The following ZFHX4 variants were observed in gnomAD, a reference collection of about 807,000 sequenced individuals.
ZFHX4 encodes zinc finger homeobox protein 4.
A neutral mutation model predicts 267.6 loss-of-function variants in ZFHX4; 56 were observed. The ratio of observed to expected loss-of-function variants is 0.21; its 90% CI spans 0.17 to 0.26. The LOEUF (loss-of-function observed/expected upper bound fraction) is 0.26, where lower values mean the gene tolerates loss of function less well. ZFHX4 is among the 10% of genes least tolerant of loss of function. The pLI is 1.00. For missense variants in ZFHX4, 4,332 were observed against 4,420.0 expected (o/e 0.98, Z 0.56); for synonymous variants, 1,778 against 1,665.6 (o/e 1.07, Z -1.64).
intron 3 of ZFHX4, among the ~76,000 whole-genome samples, chr8:76,761,783 G>A (rs1009131465): frequency 3.3e-5 from 5 of 152,146 alleles, no homozygotes; most frequent in Admixed American, 6.5e-5. Flanking sequence ...AGGTTTAGAA[G>A]CAAATGTCTC....
chr8:76,782,152 GC>G lies in ZFHX4; in HGVS notation c.3325+3715del, dbSNP rs557825126. On this transcript the variant is annotated intron_variant, in intron 4 of 10. Coordinates refer to ENST00000651372, the MANE Select transcript of ZFHX4 (RefSeq NM_024721.5). ...CTATTGTTTCTTCTAGCATCTTCTT[GC>G]CAAATCTTCTGGAGCGCTTGTAATT... is the stretch of plus-strand genomic sequence containing the variant. 8.4e-4 allele frequency: 222 copies of G among 263,386 alleles called. 3 individuals are homozygous for G. The highest frequency in any genetic ancestry group is 5.5e-3 in the South Asian group (215 of 38,982). 16.3% of individuals were successfully genotyped at this position (263,386 alleles called of 1,614,324 possible). A position where few individuals can be genotyped will look rare whatever the true frequency, so the allele number is the denominator to read the frequency against.
At chr8:76,835,363 T>TTATTTCTGCTATA (rs1234637907) in intron 5 of ZFHX4, among the ~76,000 whole-genome samples, 2 of 150,872 alleles carry the variant, frequency 1.3e-5, no homozygotes, top group African/African-American at 2.4e-5. Flanking sequence ...CACAGCTCAT[T>TTATTTCTGCTATA]TATTTCTGCT....
At chr8:76,815,562 C>T (rs1245156041) in intron 4 of ZFHX4, among the ~76,000 whole-genome samples, 1 of 152,068 alleles carries the variant, frequency 6.6e-6, no homozygotes, top group African/African-American at 2.4e-5. Context: ...AGTGCAGTGG[C>T]ATGATCGTGA....
intron 3 of ZFHX4, among the ~76,000 whole-genome samples, chr8:76,724,209 A>T (rs1214603989): frequency 6.6e-6 from 1 of 152,062 alleles, no homozygotes; most frequent in Non-Finnish European, 1.5e-5. Context: ...TTGGGGGACC[A>T]CTGGACTAGA....
At chr8:76,814,605 T>C (rs552090001) in intron 4 of ZFHX4, among the ~76,000 whole-genome samples, 1 of 152,278 alleles carries the variant, frequency 6.6e-6, no homozygotes, top group Admixed American at 6.5e-5. Context: ...AAATATAGTT[T>C]GATATATACC....
chr8:76,686,945 C>G (rs1043676739), intron 1 of ZFHX4, among the ~76,000 whole-genome samples: 13 of 152,306 alleles, frequency 8.5e-5, no homozygotes, highest in South Asian at 4.1e-4. Context: ...GGTTTCCCCC[C>G]CTTCTAAGAC....
chr8:76,714,885 T>C (rs1169864531), intron 3 of ZFHX4, among the ~76,000 whole-genome samples: 1 of 152,192 alleles, frequency 6.6e-6, no homozygotes, highest in African/African-American at 2.4e-5. Flanking sequence ...ATTAAAGTTG[T>C]TCAGAGTTAA....
At position 76,852,948 on chromosome 8, in the gene ZFHX4, T is replaced by A. The variant is rs1202736888; in HGVS notation, c.6027T>A (p.Pro2009=). 9 of 1,578,188 alleles carry A rather than the reference T, an allele frequency of 5.7e-6. No homozygotes were observed. The highest frequency in any genetic ancestry group is 7.7e-6 in the Non-Finnish European group (9 of 1,161,348). The change falls in exon 10 of 11, where the codon CCT becomes CCA. Residue 2009 remains proline (P), a synonymous_variant. Transcript: ENST00000651372. ...SPETPPPPPP[P]PPLPPAPPQP... is the part of the protein sequence containing the mutation. ...AAACGCCGCCCCCGCCACCTCCTCC[T>A]CCTCCCTTGCCTCCGGCTCCTCCAC...
At chr8:76,819,268 T>C (rs1171558293) in intron 4 of ZFHX4, among the ~76,000 whole-genome samples, 1 of 152,024 alleles carries the variant, frequency 6.6e-6, no homozygotes, top group Non-Finnish European at 1.5e-5. Context: ...TTAGAGCTTA[T>C]GTTAGCCTAT....
intron 4 of ZFHX4, among the ~76,000 whole-genome samples, chr8:76,825,926 A>G (rs1200083691): frequency 6.6e-6 from 1 of 152,212 alleles, no homozygotes; most frequent in Non-Finnish European, 1.5e-5. Context: ...AATATCACTG[A>G]GCCAAAGAAA....
chr8:76,847,660 T>C lies in ZFHX4; in HGVS notation c.3512-1335T>C, dbSNP rs186345988. Among the ~76,000 whole-genome samples the C allele has an allele frequency of 2.0e-3, 310 of 152,294 alleles. 2 individuals carry two copies. Among genetic ancestry groups the C allele is most frequent in the African/African-American group, 7.3e-3 (303 of 41,584 alleles). ...GGAATCACTCTTGCTTTCATATTTC[T>C]TTCTGAATTTGAAATTTCTGAAATT... On this transcript the variant is annotated intron_variant, in intron 6 of 10. Coordinates refer to ENST00000651372, the MANE Select transcript of ZFHX4 (RefSeq NM_024721.5).
At position 76,849,142 on chromosome 8, in the gene ZFHX4, T is replaced by C; in HGVS notation, c.3645+14T>C. 6.5e-7 allele frequency: 1 copy of C among 1,542,488 alleles called. No homozygotes were observed. The highest frequency in any genetic ancestry group is 8.7e-7 in the Non-Finnish European group (1 of 1,144,470). On this transcript the variant is annotated intron_variant, in intron 7 of 10. Coordinates refer to ENST00000651372, the MANE Select transcript of ZFHX4 (RefSeq NM_024721.5). ...TGTCATGAACAGGTAAATACTTTTTTTCCCCTTTACTGTGTAAATCTTTAT... is the reference window on the plus strand; with the variant it reads ...TGTCATGAACAGGTAAATACTTTTTCTCCCCTTTACTGTGTAAATCTTTAT...
chr8:76,864,169 G>A lies in ZFHX4; in HGVS notation c.10455G>A (p.Glu3485=). The change falls in exon 11 of 11, where the codon GAG becomes GAA. Residue 3485 remains glutamate, a synonymous_variant. Coordinates refer to ENST00000651372, the MANE Select transcript of ZFHX4 (RefSeq NM_024721.5). ...AACAAGCAATGAGAAATGCCAAAGA[G>A]CATGTTAGATTATTACCTCACTCAG... is the stretch of plus-strand genomic sequence containing the variant. The part of the protein sequence containing the change: ...TIKQAMRNAK[E]HVRLLPHSVC... 6.2e-7 allele frequency: 1 copy of A among 1,613,888 alleles called. No homozygotes were observed. Among genetic ancestry groups the A allele is most frequent in the Non-Finnish European group, 8.5e-7 (1 of 1,179,834 alleles).
intron 3 of ZFHX4, among the ~76,000 whole-genome samples, chr8:76,766,755 A>G (rs888892352): frequency 6.6e-6 from 1 of 151,984 alleles, no homozygotes; most frequent in Non-Finnish European, 1.5e-5. Flanking sequence ...TTAAATATTG[A>G]TTTATATAAT....
chr8:76,766,862 C>T (rs1247628863), intron 3 of ZFHX4, among the ~76,000 whole-genome samples: 1 of 131,152 alleles, frequency 7.6e-6, no homozygotes, highest in Non-Finnish European at 1.5e-5. Context: ...GAAAATGGAA[C>T]CTGTGCTTTT....
chr8:76,837,260 T>C (rs1245251822), intron 5 of ZFHX4, among the ~76,000 whole-genome samples: 1 of 152,094 alleles, frequency 6.6e-6, no homozygotes, highest in Non-Finnish European at 1.5e-5. Flanking sequence ...AAAGGCAGGA[T>C]GAAAATCACA....
In ZFHX4 at chr8:76,864,019, A is replaced by G. The variant is rs756330346; in HGVS notation, c.10305A>G (p.Pro3435=). 4.3e-6 allele frequency: 7 copies of G among 1,613,860 alleles called. No individual in the cohort carries two copies. The Admixed American group carries it at 1.0e-4, about 23-fold the overall frequency. ...ATTTCGGTCAGCCTTTGATTGACCC[A>G]CAAGAGACAGTGCTTCGTGTCCCAG... The part of the protein sequence containing the change: ...FCYFGQPLID[P]QETVLRVPVS... Residue 3435 remains proline (P), a synonymous_variant, in exon 11 of 11, where the codon CCA becomes CCG. Transcript: ENST00000651372.
chr8:76,741,736 T>C (rs562781795), intron 3 of ZFHX4, among the ~76,000 whole-genome samples: 10 of 152,250 alleles, frequency 6.6e-5, no homozygotes, highest in South Asian at 4.1e-4. Context: ...AATCAGAAAG[T>C]CTCTATTTCC....
rs540438938 is a variant in ZFHX4 at position 76,848,997 on chromosome 8, A to T, written c.3514A>T (p.Ile1172Leu). 117 of 1,526,034 alleles carry T rather than the reference A, an allele frequency of 7.7e-5. No homozygotes were observed. The Middle Eastern group carries it at 8.6e-4, about 11-fold the overall frequency. The allele number at this position is 1,526,034 out of a possible 1,614,324, so 94.5% of individuals were successfully genotyped here. A position where few individuals can be genotyped will look rare whatever the true frequency, so the allele number is the denominator to read the frequency against. Residue 1172 changes from isoleucine to leucine, a missense_variant and splice_region_variant, in exon 7 of 11, where the codon ATA becomes TTA. Physicochemically the swap from Ile to Leu is conservative, Grantham distance 5 (BLOSUM62 2). Coordinates refer to ENST00000651372, the MANE Select transcript of ZFHX4 (RefSeq NM_024721.5). ...GTTCTATTCTTTTTGGGAATCAGGG[A>T]TAATCACACCAGAGAAGGAACTAAA... The part of the protein sequence containing the change: ...EGKNSNKDSG[I>L]ITPEKELKVS...
Sources: gnomAD v4.1 joint callset for allele counts (sites outside exome capture counted in the v4.1 genomes callset) on GRCh38, gnomAD v4.1.1 for gene constraint, MANE v1.5 for transcripts, NCBI Gene and HGNC (gene_info 2026-07-23, HGNC 2026-07-21) for gene names.